The following XRRA1 variants were observed in gnomAD, a reference collection of about 807,000 sequenced individuals.
XRRA1 encodes X-ray radiation resistance associated 1.
Under a neutral mutation model 80.2 loss-of-function variants are expected in XRRA1, and 69 were observed. The ratio of observed to expected loss-of-function variants is 0.86; its 90% CI spans 0.71 to 1.05. The LOEUF (loss-of-function observed/expected upper bound fraction) is 1.05, where lower values mean the gene tolerates loss of function less well. Ranked by LOEUF, XRRA1 falls within the 50% of genes least tolerant of loss-of-function variation. The pLI is 0.00. For synonymous variants in XRRA1, 348 were observed against 389.9 expected, an observed-to-expected ratio of 0.89 and a Z score of 1.27; for missense variants, 967 against 976.4, an observed-to-expected ratio of 0.99 and a Z score of 0.13.
chr11:74,856,643 A>AC (rs1212006524), intron 12 of XRRA1, among the ~76,000 whole-genome samples: 1 of 152,158 alleles, frequency 6.6e-6, no homozygotes, highest in Non-Finnish European at 1.5e-5. Flanking sequence ...CCTAGAGTAA[A>AC]CCCCTTTAAG....
At chr11:74,926,068 T>G (rs1054902910) in intron 7 of XRRA1, among the ~76,000 whole-genome samples, 1 of 152,158 alleles carries the variant, frequency 6.6e-6, no homozygotes, top group Non-Finnish European at 1.5e-5. Context: ...TTCTCTCTAT[T>G]TTATTCAACT....
intron 12 of XRRA1, among the ~76,000 whole-genome samples, chr11:74,852,745 G>C (rs1447238992): frequency 1.3e-5 from 2 of 152,234 alleles, no homozygotes; most frequent in Non-Finnish European, 2.9e-5. Flanking sequence ...AAATATACAA[G>C]CTTTGTTGAG....
Position 74,940,897 on chromosome 11 carries a change from A to G in XRRA1, c.-4-15T>C, listed in dbSNP as rs758433009. The G allele has an allele frequency of 6.3e-7, 1 of 1,583,616 alleles. No homozygotes were observed. The highest frequency in any genetic ancestry group is 1.1e-5 in the South Asian group (1 of 87,222). On this transcript the variant is annotated splice_polypyrimidine_tract_variant and intron_variant, in intron 2 of 18. Transcript: ENST00000684022. ...AGGCCATCTCCCTGAGAGCCAGGCA[A>G]GGAAAGCAAGGAAGCAGAAGAGTGA...
chr11:74,852,697 C>T (rs625268), intron 12 of XRRA1, among the ~76,000 whole-genome samples: 93,852 of 152,076 alleles, frequency 0.62, 30,379 homozygotes, highest in African/African-American at 0.8. Flanking sequence ...AGCCTGCAAT[C>T]GGTGGCTTAT....
chr11:74,852,123 C>T (rs773262901), intron 12 of XRRA1, 41 bp from the exon 13 acceptor site: 2 of 1,539,570 alleles, frequency 1.3e-6, no homozygotes, highest in Non-Finnish European at 1.8e-6. Context: ...TGACACCACC[C>T]CTCACCTCTA....
At chr11:74,938,649 A>G (rs910151945) in intron 3 of XRRA1, among the ~76,000 whole-genome samples, 2 of 152,222 alleles carry the variant, frequency 1.3e-5, no homozygotes, top group African/African-American at 4.8e-5. Flanking sequence ...CAATAAGTTG[A>G]TGTTAAGTAA....
chr11:74,940,201 A>AG (rs1402672298), intron 3 of XRRA1, among the ~76,000 whole-genome samples: 1 of 152,224 alleles, frequency 6.6e-6, no homozygotes, highest in African/African-American at 2.4e-5. Context: ...TCCCTGCTCC[A>AG]GGGAAGTTTT....
intron 5 of XRRA1, 28 bp from the exon 6 acceptor site, chr11:74,930,400 A>C: frequency 6.6e-7 from 1 of 1,522,994 alleles, no homozygotes; most frequent in Non-Finnish European, 8.8e-7. Flanking sequence ...AGAAAAAAAA[A>C]AAAATCCACA....
chr11:74,895,288 C>T (rs1224023452), intron 10 of XRRA1, among the ~76,000 whole-genome samples: 1 of 152,208 alleles, frequency 6.6e-6, no homozygotes, highest in Non-Finnish European at 1.5e-5. Flanking sequence ...AGGGACCTTA[C>T]ATTGAACTCC....
intron 4 of XRRA1, among the ~76,000 whole-genome samples, chr11:74,936,354 C>T (rs1944982762): frequency 6.6e-6 from 1 of 152,222 alleles, no homozygotes; most frequent in Non-Finnish European, 1.5e-5. Context: ...AGGACAAAGG[C>T]TGTGGGAGAG....
intron 15 of XRRA1, 46 bp from the exon 16 acceptor site, chr11:74,845,317 T>C: frequency 6.4e-7 from 1 of 1,552,636 alleles, no homozygotes. Flanking sequence ...CATTCATTCA[T>C]TCATTCCATG....
chr11:74,851,575 G>A (rs1470389744), intron 13 of XRRA1, among the ~76,000 whole-genome samples: 1 of 152,218 alleles, frequency 6.6e-6, no homozygotes, highest in Non-Finnish European at 1.5e-5. Flanking sequence ...TGGGAAGAGA[G>A]GCTCCTGCAG....
chr11:74,868,678 A>G lies in XRRA1; in HGVS notation c.1004-5657T>C, dbSNP rs12419112. Among the ~76,000 whole-genome samples, 1,438 of 152,270 alleles carry G rather than the reference A, an allele frequency of 9.4e-3. 11 individuals are homozygous for G. The highest frequency in any genetic ancestry group is 0.015 in the Non-Finnish European group (1,034 of 68,022). ...TACCAAGCAAATGGAAAAGAGAAAAAAAGCAGGGGTTGTTGAAATTATTCT... is the reference window on the plus strand; with the variant it reads ...TACCAAGCAAATGGAAAAGAGAAAAGAAGCAGGGGTTGTTGAAATTATTCT... On this transcript the variant is annotated intron_variant, in intron 10 of 18. Transcript: ENST00000684022.
At chr11:74,851,911 T>C (rs1295311013) in intron 13 of XRRA1, 78 bp downstream of exon 13, 20 of 1,224,914 alleles carry the variant, frequency 1.6e-5, no homozygotes, top group Non-Finnish European at 2.2e-5. Context: ...GGGCTTGGCA[T>C]TGATGAGGTG....
In XRRA1 at chr11:74,859,181, A is replaced by T. The variant is rs1234776031; in HGVS notation, c.1147T>A (p.Tyr383Asn). Residue 383 changes from tyrosine to asparagine, a missense_variant, in exon 12 of 19, where the codon TAC becomes AAC. Coordinates refer to ENST00000684022, the MANE Select transcript of XRRA1 (RefSeq NM_001378157.1). Reference sequence around the variant, plus strand: ...ACCTTGTTGTAGGCCAGGCTAAGGTATCTCAGCTCTGGGAAGGGTGGGGCC... The same window carrying T: ...ACCTTGTTGTAGGCCAGGCTAAGGTTTCTCAGCTCTGGGAAGGGTGGGGCC... ...TLAPPFPELR[Y>N]LSLAYNKIAK... 1.2e-6 allele frequency: 2 copies of T among 1,608,530 alleles called. No individual in the cohort carries two copies. The highest frequency in any genetic ancestry group is 2.3e-5 in the East Asian group (1 of 44,394).
At chr11:74,896,188 C>T (rs960609987) in intron 10 of XRRA1, among the ~76,000 whole-genome samples, 5 of 152,234 alleles carry the variant, frequency 3.3e-5, no homozygotes, top group African/African-American at 1.2e-4. Flanking sequence ...GGCACTGGCT[C>T]GGCCACAGTA....
At chr11:74,926,720 T>C (rs1213236521) in intron 7 of XRRA1, among the ~76,000 whole-genome samples, 1 of 152,092 alleles carries the variant, frequency 6.6e-6, no homozygotes, top group East Asian at 1.9e-4. Flanking sequence ...GTGCAGAAAA[T>C]GCATGACTAT....
chr11:74,892,250 G>A (rs1591117970), intron 10 of XRRA1, among the ~76,000 whole-genome samples: 1 of 152,050 alleles, frequency 6.6e-6, no homozygotes, highest in South Asian at 2.1e-4. Context: ...AAATAACGCT[G>A]CATATCTACA....
At chr11:74,883,726 CT>C (rs1195082968) in intron 10 of XRRA1, among the ~76,000 whole-genome samples, 1 of 152,070 alleles carries the variant, frequency 6.6e-6, no homozygotes, top group Non-Finnish European at 1.5e-5. Context: ...CATGATGCCC[CT>C]CTTCAGCAGG....
Sources: gnomAD v4.1 joint callset for allele counts (sites outside exome capture counted in the v4.1 genomes callset) on GRCh38, gnomAD v4.1.1 for gene constraint, MANE v1.5 for transcripts, NCBI Gene and HGNC (gene_info 2026-07-23, HGNC 2026-07-21) for gene names.